The following UIMC1 variants were observed in gnomAD, a reference collection of about 807,000 sequenced individuals.
UIMC1 encodes the protein ubiquitin interaction motif containing 1.
Under a neutral mutation model 84.9 loss-of-function variants are expected in UIMC1, and 42 were observed. The ratio of observed to expected loss-of-function variants is 0.49; its 90% CI spans 0.39 to 0.64. UIMC1 has a LOEUF of 0.64. UIMC1 is among the 30% of genes least tolerant of loss of function. The pLI, the probability that UIMC1 is intolerant of heterozygous loss-of-function variation, is 0.00. For missense variants in UIMC1, 825 were observed against 847.6 expected, an observed-to-expected ratio of 0.97 and a Z score of 0.33; for synonymous variants, 281 against 293.0, an observed-to-expected ratio of 0.96 and a Z score of 0.42.
intron 9 of UIMC1, among the ~76,000 whole-genome samples, chr5:176,946,752 T>A (rs1301291929): frequency 7.2e-5 from 11 of 151,890 alleles, no homozygotes; most frequent in Admixed American, 4.6e-4. Flanking sequence ...GGATAATCGC[T>A]TGAACCCAAG....
At chr5:176,907,592 G>A (rs1462090993) in intron 12 of UIMC1, among the ~76,000 whole-genome samples, 5 of 152,040 alleles carry the variant, frequency 3.3e-5, no homozygotes, top group African/African-American at 1.2e-4. Flanking sequence ...CTCCTTTGTC[G>A]GTAACCCTAG....
intron 12 of UIMC1, among the ~76,000 whole-genome samples, chr5:176,907,498 C>T (rs1759547411): frequency 6.6e-6 from 1 of 152,220 alleles, no homozygotes; most frequent in Non-Finnish European, 1.5e-5. Context: ...AAATCTCCGC[C>T]TCAAAATCAC....
intron 8 of UIMC1, among the ~76,000 whole-genome samples, chr5:176,952,548 C>T (rs958049576): frequency 3.9e-5 from 6 of 152,222 alleles, no homozygotes; most frequent in African/African-American, 1.4e-4. Flanking sequence ...CTGTCTATGG[C>T]TGTTTTTGCA....
intron 3 of UIMC1, among the ~76,000 whole-genome samples, chr5:176,972,786 A>G (rs776698311): frequency 6.6e-6 from 1 of 152,196 alleles, no homozygotes; most frequent in Non-Finnish European, 1.5e-5. Context: ...TTAACTGCTC[A>G]AGAACAAAAA....
At chr5:176,970,631 G>A (rs1438689948) in intron 4 of UIMC1, 111 bp downstream of exon 4, 3 of 1,553,590 alleles carry the variant, frequency 1.9e-6, no homozygotes, top group South Asian at 1.1e-5. Flanking sequence ...TTTTTGTTAG[G>A]TGAAAACCCT....
chr5:176,906,427 T>C (rs1056606733), intron 13 of UIMC1, among the ~76,000 whole-genome samples: 2 of 152,212 alleles, frequency 1.3e-5, no homozygotes, highest in Non-Finnish European at 2.9e-5. Flanking sequence ...CAGATTTGCT[T>C]GGTGGGAATG....
chr5:177,002,361 G>T (rs1172280031), intron 1 of UIMC1, among the ~76,000 whole-genome samples: 2 of 152,148 alleles, frequency 1.3e-5, no homozygotes, highest in South Asian at 4.1e-4. Flanking sequence ...TACCTCTGGA[G>T]GGTACTGATT....
rs1016279747 is a variant in UIMC1, at chr5:176,977,223, C to CAAAAAAA, written c.148-1750_148-1744dup. Among the ~76,000 whole-genome samples the CAAAAAAA allele has an allele frequency of 1.5e-3, 106 of 71,604 alleles. 1 individual carries two copies. The highest frequency in any genetic ancestry group is 4.2e-3 in the African/African-American group (102 of 24,072). The allele number at this position is 71,604 out of a possible 152,430, so 47.0% of individuals were successfully genotyped here. ...GGGGCAAGAGAGTAAGATTCTGTCT[C>CAAAAAAA]AAAAAAAAAAAAAAAAAAGAGAGAG... is the stretch of plus-strand genomic sequence containing the variant. On this transcript the variant is annotated intron_variant, in intron 2 of 14. Transcript: ENST00000511320.
chr5:177,013,914 G>A (rs1775615202), intron 1 of UIMC1, among the ~76,000 whole-genome samples: 1 of 151,948 alleles, frequency 6.6e-6, no homozygotes, highest in Admixed American at 6.6e-5. Flanking sequence ...TTTTATCAGG[G>A]GTCAGTTACA....
At chr5:176,987,725 A>G (rs958498074) in intron 1 of UIMC1, among the ~76,000 whole-genome samples, 5 of 151,928 alleles carry the variant, frequency 3.3e-5, no homozygotes, top group East Asian at 1.9e-4. Context: ...TTGGCAGGCT[A>G]AGGAGGAGGG....
chr5:176,905,570 AT>A, intron 14 of UIMC1, 78 bp from the exon 15 acceptor site: 1 of 1,285,664 alleles, frequency 7.8e-7, no homozygotes. Context: ...GTATCAGGGG[AT>A]TTTACATATC....
intron 1 of UIMC1, among the ~76,000 whole-genome samples, chr5:177,022,290 G>A (rs773818522): frequency 6.6e-6 from 1 of 152,132 alleles, no homozygotes; most frequent in Non-Finnish European, 1.5e-5. Flanking sequence ...TCAACAAATA[G>A]TATGTATTAT....
rs1769179172 is a variant in UIMC1 at position 176,971,429 on chromosome 5, G to A, written c.233-563C>T. Among the ~76,000 whole-genome samples, 4 of 152,136 alleles carry A rather than the reference G, an allele frequency of 2.6e-5. No homozygotes were observed. The South Asian group carries it at 6.2e-4, about 24-fold the overall frequency. On this transcript the variant is annotated intron_variant, in intron 3 of 14. Transcript: ENST00000511320. ...AGCATGAAATGAACAAGATGAGCTA[G>A]AATATTTGTCACTGTATTAGACACT...
chr5:176,974,563 T>C (rs1769761466), intron 3 of UIMC1, among the ~76,000 whole-genome samples: 1 of 152,164 alleles, frequency 6.6e-6, no homozygotes, highest in Non-Finnish European at 1.5e-5. Context: ...ACTTCTGTTC[T>C]AGCCAGGCAT....
At chr5:176,979,602 C>CAAA in intron 2 of UIMC1, among the ~76,000 whole-genome samples, 1 of 106,174 alleles carries the variant, frequency 9.4e-6, no homozygotes, top group Admixed American at 1.0e-4. Context: ...GACTTCATCT[C>CAAA]AAAAAAAAAA....
Position 176,943,562 on chromosome 5 carries a change from C to T in UIMC1, c.1444-74G>A, listed in dbSNP as rs1581473292. On this transcript the variant is annotated intron_variant, in intron 9 of 14. Coordinates refer to ENST00000511320, the MANE Select transcript of UIMC1 (RefSeq NM_001199298.2). ...TCCCTACAACGAACTGCAAGAGACT[C>T]CACCCCATATTTCACTTACTTTCAA... is the stretch of plus-strand genomic sequence containing the variant. 6 of 1,526,470 alleles carry T rather than the reference C, an allele frequency of 3.9e-6. No individual in the cohort carries two copies. In the East Asian group the frequency reaches 1.1e-4, roughly 29 times the overall value. 94.6% of individuals were successfully genotyped at this position (1,526,470 alleles called of 1,614,324 possible).
At chr5:176,954,008 T>C (rs889203945) in intron 8 of UIMC1, among the ~76,000 whole-genome samples, 3 of 152,226 alleles carry the variant, frequency 2.0e-5, no homozygotes, top group Admixed American at 6.5e-5. Context: ...TATACTTTCT[T>C]AGCAAAAGGA....
At chr5:176,981,393 C>G (rs1341003599) in intron 2 of UIMC1, among the ~76,000 whole-genome samples, 1 of 152,104 alleles carries the variant, frequency 6.6e-6, no homozygotes, top group Non-Finnish European at 1.5e-5. Context: ...ATCCACTCGC[C>G]TCGGCCTCCC....
At chr5:176,976,536 T>G (rs941912728) in intron 2 of UIMC1, among the ~76,000 whole-genome samples, 2 of 152,168 alleles carry the variant, frequency 1.3e-5, no homozygotes, top group African/African-American at 4.8e-5. Flanking sequence ...TGGCAAGGAT[T>G]ACAAAAACCG....
Sources: allele counts gnomAD v4.1 joint callset (sites outside exome capture counted in the v4.1 genomes callset), GRCh38; gene constraint gnomAD v4.1.1; transcripts MANE v1.5; gene names NCBI Gene and HGNC (gene_info 2026-07-23, HGNC 2026-07-21).